The following AACS variants were observed in gnomAD, a reference collection of about 807,000 sequenced individuals.
AACS encodes the protein acetoacetyl-CoA synthetase.
AACS carries 69 observed loss-of-function variants against 83.1 expected under a neutral mutation model. The observed-to-expected ratio is 0.83, with a 90% CI of 0.68 to 1.01. AACS has a LOEUF of 1.01. Among genes scored for constraint, AACS ranks in the 50% least tolerant of loss-of-function variants. AACS has a pLI of 0.00. For synonymous variants in AACS, 333 were observed against 343.4 expected, an observed-to-expected ratio of 0.97 and a Z score of 0.33; for missense variants, 866 against 882.2, an observed-to-expected ratio of 0.98 and a Z score of 0.23.
At chr12:125,118,295 A>G (rs1036894264) in intron 9 of AACS, 1 of 272,324 alleles carries the variant, frequency 3.7e-6, no homozygotes, top group Non-Finnish European at 7.2e-6. Context: ...GCTGTTCAGA[A>G]CGCCTCATGT....
intron 3 of AACS, among the ~76,000 whole-genome samples, chr12:125,085,006 C>G (rs773935371): frequency 6.6e-6 from 1 of 152,076 alleles, no homozygotes; most frequent in Non-Finnish European, 1.5e-5. Context: ...AACTACTTCT[C>G]TCAGCCTATA....
At chr12:125,077,224 G>A (rs1391276397) in intron 3 of AACS, among the ~76,000 whole-genome samples, 1 of 151,842 alleles carries the variant, frequency 6.6e-6, no homozygotes, top group Non-Finnish European at 1.5e-5. Flanking sequence ...CCCCTGTGCA[G>A]CTTTTAAAAA....
intron 5 of AACS, chr12:125,102,063 C>G: frequency 1.0e-5 from 1 of 99,210 alleles, no homozygotes; most frequent in Admixed American, 9.9e-5. Context: ...CCATGCTTGC[C>G]TTTTTAAAAA....
chr12:125,135,524 C>T (rs1264740575), intron 16 of AACS, among the ~76,000 whole-genome samples: 1 of 152,178 alleles, frequency 6.6e-6, no homozygotes, highest in Non-Finnish European at 1.5e-5. Flanking sequence ...CACAACTGTA[C>T]AGTGGAGTCA....
chr12:125,138,725 TCTC>T (rs1957434866), intron 17 of AACS: 2 of 152,126 alleles, frequency 1.3e-5, no homozygotes, highest in African/African-American at 4.8e-5. Flanking sequence ...CCAGATAAGG[TCTC>T]CTCCTGGGTG....
In AACS at chr12:125,065,436, G is replaced by A; in HGVS notation, c.-149G>A. The A allele has an allele frequency of 1.2e-6, 1 of 825,374 alleles. No homozygotes were observed. The highest frequency in any genetic ancestry group is 1.7e-6 in the Non-Finnish European group (1 of 593,806). The allele number at this position is 825,374 out of a possible 1,614,324, so 51.1% of individuals were successfully genotyped here. A position where few individuals can be genotyped will look rare whatever the true frequency, so the allele number is the denominator to read the frequency against. On this transcript the variant is annotated 5_prime_UTR_variant, in exon 1 of 18. Transcript: ENST00000316519. The stretch of plus-strand genomic sequence containing the variant: ...CGCAGGAGGCGGCGGCGGCCGTTCA[G>A]TCCCTTGTTCCCCGCCGCCGCCGTC...
At chr12:125,124,461 C>T (rs543109513) in intron 10 of AACS, 24 of 549,940 alleles carry the variant, frequency 4.4e-5, no homozygotes, top group East Asian at 3.6e-4. Context: ...TTTTATGTGA[C>T]GCCTCGTGGT....
intron 3 of AACS, among the ~76,000 whole-genome samples, chr12:125,080,666 T>A (rs1162960945): frequency 6.6e-6 from 1 of 151,762 alleles, no homozygotes; most frequent in Admixed American, 6.6e-5. Context: ...CCCCCCTTTT[T>A]AAAATTATTT....
intron 12 of AACS, among the ~76,000 whole-genome samples, chr12:125,125,469 G>A (rs1343880971): frequency 1.3e-5 from 2 of 152,308 alleles, no homozygotes; most frequent in Middle Eastern, 3.4e-3. Context: ...GCAAGGCAGG[G>A]AGGCTGTGTC....
chr12:125,099,587 T>C (rs1956676310), intron 5 of AACS, among the ~76,000 whole-genome samples: 1 of 152,266 alleles, frequency 6.6e-6, no homozygotes, highest in African/African-American at 2.4e-5. Flanking sequence ...AAGGTCATTC[T>C]GAGCAGTAAA....
At chr12:125,077,421 A>C (rs1210422908) in intron 3 of AACS, among the ~76,000 whole-genome samples, 1 of 151,272 alleles carries the variant, frequency 6.6e-6, no homozygotes, top group Admixed American at 6.6e-5. Flanking sequence ...GAGGCAGGAG[A>C]ATGGTGTGAA....
intron 1 of AACS, 26 bp from the exon 2 acceptor site, chr12:125,073,850 G>A: frequency 6.3e-7 from 1 of 1,584,980 alleles, no homozygotes; most frequent in Non-Finnish European, 8.7e-7. Flanking sequence ...CCCTTCTAAG[G>A]TTAATCTGAG....
intron 17 of AACS, 58 bp downstream of exon 17, chr12:125,136,922 T>C (rs902521522): frequency 1.9e-5 from 30 of 1,568,362 alleles, no homozygotes; most frequent in African/African-American, 1.8e-4. Flanking sequence ...AGCCCACACA[T>C]TGAGGGGCGC....
At chr12:125,102,536 C>T in intron 5 of AACS, 143 bp from the exon 6 acceptor site, 2 of 716,100 alleles carry the variant, frequency 2.8e-6, no homozygotes, top group South Asian at 1.5e-5. Context: ...GCAAGCATAG[C>T]TCACTCCAAC....
intron 1 of AACS, among the ~76,000 whole-genome samples, chr12:125,068,320 G>A (rs1389809245): frequency 2.0e-5 from 3 of 152,152 alleles, no homozygotes; most frequent in African/African-American, 4.8e-5. Context: ...TTATCTGGGT[G>A]TGGTGGCATG....
Position 125,128,287 on chromosome 12 carries a change from C to T in AACS, c.1423+13C>T, listed in dbSNP as rs1207401977. On this transcript the variant is annotated intron_variant, in intron 13 of 17. Transcript: ENST00000316519. ...TGGAACGAGGAAGGTGATGGCTCCA[C>T]CAACTGTTTCTTTCTGTGATTAGGC... 20 of 1,605,296 alleles carry T rather than the reference C, an allele frequency of 1.2e-5. No homozygotes were observed. The highest frequency in any genetic ancestry group is 1.6e-5 in the Non-Finnish European group (19 of 1,174,110).
chr12:125,116,383 A>G (rs1474267970), intron 9 of AACS, among the ~76,000 whole-genome samples: 1 of 152,204 alleles, frequency 6.6e-6, no homozygotes, highest in Admixed American at 6.5e-5. Context: ...TACTGGAAGG[A>G]TCCTGTCCAC....
At chr12:125,066,628 T>C (rs1955706950) in intron 1 of AACS, among the ~76,000 whole-genome samples, 1 of 152,010 alleles carries the variant, frequency 6.6e-6, no homozygotes, top group Non-Finnish European at 1.5e-5. Context: ...TTTGTATTTT[T>C]AGTAGAGACG....
chr12:125,141,863 C>G (rs1393373835), intron 17 of AACS, among the ~76,000 whole-genome samples: 1 of 151,570 alleles, frequency 6.6e-6, no homozygotes, highest in Non-Finnish European at 1.5e-5. Context: ...TTGAAAGTGC[C>G]TTTCAGAAGA....
Sources: gnomAD v4.1 joint callset for allele counts (sites outside exome capture counted in the v4.1 genomes callset) on GRCh38, gnomAD v4.1.1 for gene constraint, MANE v1.5 for transcripts, NCBI Gene and HGNC (gene_info 2026-07-23, HGNC 2026-07-21) for gene names.